The following MTHFD1L variants were observed in gnomAD, a reference collection of about 807,000 sequenced individuals.
The protein encoded by MTHFD1L is monofunctional C1-tetrahydrofolate synthase, mitochondrial.
In MTHFD1L, 81 loss-of-function variants were observed where a neutral mutation model predicts 119.5. That is an observed-to-expected ratio of 0.68 (90% CI 0.57 to 0.82). MTHFD1L has a LOEUF of 0.82. MTHFD1L is among the 40% of genes least tolerant of loss of function. MTHFD1L has a pLI of 0.00. For synonymous variants in MTHFD1L, 430 were observed against 475.2 expected (o/e 0.90, Z 1.24); for missense variants, 1,125 against 1,253.4 (o/e 0.90, Z 1.55).
chr6:151,079,847 C>T (rs760463299), intron 26 of MTHFD1L, among the ~76,000 whole-genome samples: 4 of 151,218 alleles, frequency 2.6e-5, no homozygotes, highest in Non-Finnish European at 5.9e-5. Context: ...CTTAAGCCAG[C>T]ACGTGATTTA....
chr6:150,866,231 T>A, intron 1 of MTHFD1L, 182 bp downstream of exon 1: 2 of 1,389,104 alleles, frequency 1.4e-6, no homozygotes, highest in Non-Finnish European at 9.3e-7. Context: ...CCGGGAGCGC[T>A]GGCGGAGAAC....
chr6:150,955,847 A>G (rs1335458616), intron 16 of MTHFD1L, 148 bp from the exon 17 acceptor site: 2 of 644,182 alleles, frequency 3.1e-6, no homozygotes, highest in East Asian at 2.7e-5. Context: ...TTCTTTCTCT[A>G]TGTCTACCCA....
At chr6:150,997,806 A>G (rs1584029054) in intron 20 of MTHFD1L, among the ~76,000 whole-genome samples, 1 of 152,158 alleles carries the variant, frequency 6.6e-6, no homozygotes, top group East Asian at 1.9e-4. Flanking sequence ...ACACTGACTA[A>G]TAACACCAGC....
chr6:151,011,788 C>T (rs764662173), intron 21 of MTHFD1L, among the ~76,000 whole-genome samples: 19 of 151,872 alleles, frequency 1.3e-4, no homozygotes, highest in Non-Finnish European at 1.8e-4. Flanking sequence ...ACCAGCCAGG[C>T]GTGGTGGCTC....
At chr6:150,890,412 CAG>C (rs1017686616) in intron 7 of MTHFD1L, among the ~76,000 whole-genome samples, 2 of 152,086 alleles carry the variant, frequency 1.3e-5, no homozygotes, top group African/African-American at 2.4e-5. Context: ...TCAAGGGAGA[CAG>C]GGGCAGGATT....
chr6:150,868,680 T>C (rs1258966543), intron 1 of MTHFD1L, among the ~76,000 whole-genome samples: 1 of 152,172 alleles, frequency 6.6e-6, no homozygotes, highest in Non-Finnish European at 1.5e-5. Flanking sequence ...AGACGTTTTA[T>C]ATATAATGGG....
chr6:150,875,763 G>A (rs1398445128), intron 1 of MTHFD1L, among the ~76,000 whole-genome samples: 16 of 152,074 alleles, frequency 1.1e-4, no homozygotes, highest in Admixed American at 9.2e-4. Context: ...GGAGGAGAGC[G>A]ATTATTTAAA....
At chr6:150,881,994 T>G (rs958745625) in intron 4 of MTHFD1L, among the ~76,000 whole-genome samples, 6 of 152,258 alleles carry the variant, frequency 3.9e-5, no homozygotes, top group Admixed American at 1.3e-4. Context: ...GATAAGTATC[T>G]TCTCACTTGT....
At chr6:150,965,136 G>A (rs1367545603) in intron 19 of MTHFD1L, 99 bp downstream of exon 19, 1 of 1,012,592 alleles carries the variant, frequency 9.9e-7, no homozygotes, top group African/African-American at 1.6e-5. Context: ...GAGCATGCCT[G>A]GGGCAGCAGT....
At position 150,923,238 on chromosome 6, in the gene MTHFD1L, C is replaced by T. The variant is rs537967942; in HGVS notation, c.1082+936C>T. On this transcript the variant is annotated intron_variant, in intron 10 of 27. Transcript: ENST00000367321. ...GTGCTCTCTGATGAGGTCTGAGCTA[C>T]ATATTCTATCTATAAATTTGGAAAT... Among the ~76,000 whole-genome samples the T allele has an allele frequency of 2.0e-5, 3 of 152,238 alleles. No homozygotes were observed. In the East Asian group the frequency reaches 5.8e-4, roughly 29 times the overall value.
intron 10 of MTHFD1L, among the ~76,000 whole-genome samples, chr6:150,923,509 CTTTATTTATTTA>C (rs368593673): frequency 1.4e-4 from 17 of 118,058 alleles, no homozygotes; most frequent in African/African-American, 4.1e-4. Flanking sequence ...GTAACTGACA[CTTTATTTATTTA>C]TTTATTTATT....
chr6:150,932,816 G>GAGGGAGGAAGGAAGGAA (rs1554253940), intron 11 of MTHFD1L, among the ~76,000 whole-genome samples: 1 of 119,480 alleles, frequency 8.4e-6, no homozygotes, highest in Non-Finnish European at 1.8e-5. Context: ...GAGAGGGAGG[G>GAGGGAGGAAGGAAGGAA]AGGAAGGAAG....
At chr6:150,873,625 T>G (rs1779913259) in intron 1 of MTHFD1L, among the ~76,000 whole-genome samples, 3 of 152,110 alleles carry the variant, frequency 2.0e-5, no homozygotes, top group African/African-American at 7.2e-5. Flanking sequence ...AAATGCACAT[T>G]TCTGGGCTCC....
intron 5 of MTHFD1L, among the ~76,000 whole-genome samples, chr6:150,884,219 G>T (rs1017492750): frequency 6.1e-5 from 9 of 148,618 alleles, no homozygotes; most frequent in African/African-American, 2.2e-4. Flanking sequence ...TCGGCTCACT[G>T]CAAGCTCTGC....
intron 19 of MTHFD1L, 138 bp downstream of exon 19, chr6:150,965,175 G>T (rs942108887): frequency 5.6e-6 from 4 of 709,766 alleles, no homozygotes; most frequent in Non-Finnish European, 4.9e-6. Context: ...CAGAAAGAGT[G>T]AGGATCTGGT....
At chr6:151,057,086 T>C (rs1790061213) in intron 26 of MTHFD1L, among the ~76,000 whole-genome samples, 1 of 152,206 alleles carries the variant, frequency 6.6e-6, no homozygotes, top group African/African-American at 2.4e-5. Context: ...CTTTGTTGTT[T>C]GCTCTAATTA....
intron 13 of MTHFD1L, 93 bp from the exon 14 acceptor site, chr6:150,944,393 A>T: frequency 2.3e-6 from 2 of 862,342 alleles, no homozygotes; most frequent in South Asian, 1.5e-5. Context: ...GAATACAGTG[A>T]GCTATGATCA....
rs564107693 is a variant in MTHFD1L, at chr6:150,975,433, G to A, written c.2125+3375G>A. On this transcript the variant is annotated intron_variant, in intron 20 of 27. Transcript: ENST00000367321. ...TGGTCAAGCCTGCACTGTGGGGCTC[G>A]TTCATTCCTTGCCCTTGGATGAAGT... Among the ~76,000 whole-genome samples, 4 of 152,254 alleles carry A rather than the reference G, an allele frequency of 2.6e-5. No homozygotes were observed. The East Asian group carries it at 5.8e-4, about 22-fold the overall frequency.
At chr6:151,018,015 C>T (rs74821288) in intron 24 of MTHFD1L, among the ~76,000 whole-genome samples, 16 of 151,730 alleles carry the variant, frequency 1.1e-4, no homozygotes, top group Admixed American at 3.3e-4. Flanking sequence ...AAGCACATGT[C>T]GATGGTTCAG....
Sources: allele counts gnomAD v4.1 joint callset (sites outside exome capture counted in the v4.1 genomes callset), GRCh38; gene constraint gnomAD v4.1.1; transcripts MANE v1.5; gene names NCBI Gene and HGNC (gene_info 2026-07-23, HGNC 2026-07-21).